The following ZNF287 variants were observed in gnomAD, a reference collection of about 807,000 sequenced individuals.
ZNF287 encodes the protein zinc finger protein 287.
Under a neutral mutation model 73.7 loss-of-function variants are expected in ZNF287, and 31 were observed. The ratio of observed to expected loss-of-function variants is 0.42; its 90% CI spans 0.32 to 0.57. ZNF287 has a LOEUF of 0.57. Ranked by LOEUF, ZNF287 falls within the 20% of genes least tolerant of loss-of-function variation. The pLI, the probability that ZNF287 is intolerant of heterozygous loss-of-function variation, is 0.13. For missense variants in ZNF287, 641 were observed against 909.3 expected, an observed-to-expected ratio of 0.70 and a Z score of 3.79; for synonymous variants, 301 against 307.2, an observed-to-expected ratio of 0.98 and a Z score of 0.21.
chr17:16,563,549 T>G (rs898285130), intron 4 of ZNF287, 150 bp downstream of exon 4: 6 of 910,382 alleles, frequency 6.6e-6, no homozygotes, highest in Non-Finnish European at 9.8e-6. Context: ...AACCTTTCAT[T>G]TGGAAAACGG....
rs201011881 is a variant in ZNF287, at chr17:16,555,601, AACACACACAC to A, written c.716-2185_716-2176del. On this transcript the variant is annotated intron_variant, in intron 5 of 5. Coordinates refer to ENST00000395825, the MANE Select transcript of ZNF287 (RefSeq NM_020653.4). ...AGATGTGCATGCATACACATAACCA[AACACACACAC>A]ACACACACACACACACACACACACA... Among the ~76,000 whole-genome samples the A allele has an allele frequency of 2.7e-4, 35 of 128,226 alleles. No homozygotes were observed. The South Asian group carries it at 5.3e-3, about 20-fold the overall frequency. The allele number at this position is 128,226 out of a possible 152,430, so 84.1% of individuals were successfully genotyped here. A position where few individuals can be genotyped will look rare whatever the true frequency, so the allele number is the denominator to read the frequency against.
Position 16,553,116 on chromosome 17 carries a change from A to G in ZNF287, c.1026T>C (p.Tyr342=), listed in dbSNP as rs1455802022. The change falls in exon 6 of 6, where the codon TAT becomes TAC. Residue 342 remains tyrosine, a synonymous_variant. Coordinates refer to ENST00000395825, the MANE Select transcript of ZNF287 (RefSeq NM_020653.4). The stretch of plus-strand genomic sequence containing the variant: ...GATTGAAGGTTGCCCTGCCTTCATT[A>G]TACACAGAAGTTTTATTATCTAATT... The part of the protein sequence containing the change: ...DTQLDNKTSV[Y]NEGRATFNHV... 2 of 1,613,912 alleles carry G rather than the reference A, an allele frequency of 1.2e-6. No homozygotes were observed. The highest frequency in any genetic ancestry group is 2.2e-5 in the South Asian group (2 of 91,076).
In ZNF287 at chr17:16,567,810, G is replaced by C; in HGVS notation, c.-79C>G. 6.6e-7 allele frequency: 1 copy of C among 1,519,756 alleles called. No homozygotes were observed. The highest frequency in any genetic ancestry group is 8.8e-7 in the Non-Finnish European group (1 of 1,141,174). The allele number at this position is 1,519,756 out of a possible 1,614,324, so 94.1% of individuals were successfully genotyped here. A position where few individuals can be genotyped will look rare whatever the true frequency, so the allele number is the denominator to read the frequency against. Reference sequence around the variant, plus strand: ...GCCAACTGCTTGAAGTCTCATGCTAGAGTCACAAGGACACTATATCAAAGG... The same window carrying C: ...GCCAACTGCTTGAAGTCTCATGCTACAGTCACAAGGACACTATATCAAAGG... On this transcript the variant is annotated 5_prime_UTR_variant, in exon 2 of 6. Transcript: ENST00000395825.
At chr17:16,558,638 T>C (rs931758513) in intron 5 of ZNF287, among the ~76,000 whole-genome samples, 3 of 152,152 alleles carry the variant, frequency 2.0e-5, no homozygotes, top group Non-Finnish European at 2.9e-5. Context: ...CATTGTTGTA[T>C]ACTAGCATCC....
chr17:16,552,377 C>G lies in ZNF287; in HGVS notation c.1765G>C (p.Glu589Gln). ...CATATATTACATATATAGGATTTCT[C>G]TCCAGTGTGAGTGGTTTGATGTTGA... Reference protein sequence around the residue: ...LIQHQTTHTGEKSYICNICGK... With the variant: ...LIQHQTTHTGQKSYICNICGK... The change falls in exon 6 of 6, where the codon GAG (glutamate) becomes CAG (glutamine). Residue 589 changes from glutamate to glutamine, a missense_variant. This residue lies in a region of ZNF287 where 284 missense variants were observed against 466.8 expected (regional missense o/e 0.61). Transcript: ENST00000395825. This position sits in a 1 kb window ranked among gnomAD's most constrained non-coding sequence, Gnocchi z 6.5. 6.2e-7 allele frequency: 1 copy of G among 1,613,964 alleles called. No individual in the cohort carries two copies. Among genetic ancestry groups the G allele is most frequent in the Non-Finnish European group, 8.5e-7 (1 of 1,179,982 alleles).
chr17:16,557,620 C>CA (rs1208328326), intron 5 of ZNF287, among the ~76,000 whole-genome samples: 1 of 151,936 alleles, frequency 6.6e-6, no homozygotes, highest in Non-Finnish European at 1.5e-5. Flanking sequence ...AAATTAAGTA[C>CA]AAGCAGGAAG....
At chr17:16,558,705 G>A (rs1451000822) in intron 5 of ZNF287, among the ~76,000 whole-genome samples, 4 of 152,298 alleles carry the variant, frequency 2.6e-5, no homozygotes, top group African/African-American at 4.8e-5. Flanking sequence ...GAATGTCTGG[G>A]TGCTATGGCT....
At chr17:16,555,189 A>T (rs764760010) in intron 5 of ZNF287, among the ~76,000 whole-genome samples, 12 of 152,106 alleles carry the variant, frequency 7.9e-5, no homozygotes, top group Middle Eastern at 3.4e-3. Flanking sequence ...ATGTATATAT[A>T]TTTTTTTCCT....
chr17:16,564,394 G>A (rs1290014663), intron 3 of ZNF287, among the ~76,000 whole-genome samples: 3 of 151,928 alleles, frequency 2.0e-5, no homozygotes, highest in African/African-American at 4.8e-5. Flanking sequence ...GTAGAGATGG[G>A]GTTTTGCTAT....
chr17:16,568,484 TG>T (rs2142513585), intron 1 of ZNF287, among the ~76,000 whole-genome samples: 1 of 152,300 alleles, frequency 6.6e-6, no homozygotes, highest in African/African-American at 2.4e-5. Context: ...AAGAGGTTGG[TG>T]TGACTTCAAG....
chr17:16,553,993 A>C (rs1276421012), intron 5 of ZNF287, among the ~76,000 whole-genome samples: 1 of 152,240 alleles, frequency 6.6e-6, no homozygotes, highest in Non-Finnish European at 1.5e-5. Context: ...ATACTGAATC[A>C]GAAACTCTGG....
Position 16,547,453 on chromosome 17 carries a change from A to G in ZNF287, c.*4403T>C, listed in dbSNP as rs771060025. On this transcript the variant is annotated 3_prime_UTR_variant, in exon 6 of 6. Coordinates refer to ENST00000395825, the MANE Select transcript of ZNF287 (RefSeq NM_020653.4). Reference sequence around the variant, plus strand: ...TTTGCTGCTTTCTAGCATACATAACATGGAAGTGTTCTCTCCAATTTAGGT... The same window carrying G: ...TTTGCTGCTTTCTAGCATACATAACGTGGAAGTGTTCTCTCCAATTTAGGT... Among the ~76,000 whole-genome samples, 7 of 152,194 alleles carry G rather than the reference A, an allele frequency of 4.6e-5. No homozygotes were observed. The highest frequency in any genetic ancestry group is 9.6e-5 in the African/African-American group (4 of 41,458).
At chr17:16,565,693 A>C (rs1907702037) in intron 3 of ZNF287, among the ~76,000 whole-genome samples, 1 of 152,164 alleles carries the variant, frequency 6.6e-6, no homozygotes, top group African/African-American at 2.4e-5. Context: ...CTTTAAAATA[A>C]TATAGACTCA....
At chr17:16,553,481 C>A in intron 5 of ZNF287, 55 bp from the exon 6 acceptor site, 1 of 1,307,190 alleles carries the variant, frequency 7.6e-7, no homozygotes, top group South Asian at 1.9e-5. Context: ...AGGAAACTGC[C>A]AAAATAGAAA....
At chr17:16,560,262 G>A (rs1163909987) in intron 5 of ZNF287, among the ~76,000 whole-genome samples, 2 of 148,990 alleles carry the variant, frequency 1.3e-5, no homozygotes, top group Non-Finnish European at 3.0e-5. Flanking sequence ...ATGCCTGGCC[G>A]ACTAATAATA....
At chr17:16,566,996 T>C (rs1184231059) in intron 2 of ZNF287, among the ~76,000 whole-genome samples, 1 of 152,230 alleles carries the variant, frequency 6.6e-6, no homozygotes, top group Non-Finnish European at 1.5e-5. Context: ...ATTAGTAGAA[T>C]GGTGCAAACC....
chr17:16,561,185 A>G (rs1214332075), intron 5 of ZNF287, among the ~76,000 whole-genome samples: 6 of 151,796 alleles, frequency 4.0e-5, no homozygotes, highest in Non-Finnish European at 7.4e-5. Context: ...GTGGTGGCAC[A>G]TGCCTCTAAT....
intron 3 of ZNF287, 105 bp from the exon 4 acceptor site, chr17:16,563,930 C>T (rs919659635): frequency 8.8e-5 from 120 of 1,370,260 alleles, no homozygotes; most frequent in South Asian, 1.5e-4. Flanking sequence ...GAATTTTAAG[C>T]TTTAGTAGGA....
chr17:16,564,764 C>G (rs1907648029), intron 3 of ZNF287, among the ~76,000 whole-genome samples: 1 of 152,064 alleles, frequency 6.6e-6, no homozygotes, highest in Non-Finnish European at 1.5e-5. Flanking sequence ...ATAGTATTAT[C>G]TTACATGTTT....
Sources: gnomAD v4.1 joint callset for allele counts (sites outside exome capture counted in the v4.1 genomes callset) on GRCh38, gnomAD v4.1.1 for gene constraint, gnomAD v4.1.1 regional missense constraint, Gnocchi (gnomAD v3.1) non-coding constraint, MANE v1.5 for transcripts, NCBI Gene and HGNC (gene_info 2026-07-23, HGNC 2026-07-21) for gene names.